GPI: variants seen among roughly 807,000 people sequenced by gnomAD.
GPI encodes the protein glucose-6-phosphate isomerase.
In GPI, 56 loss-of-function variants were observed where a neutral mutation model predicts 75.8. That is an observed-to-expected ratio of 0.74 (90% confidence interval 0.60 to 0.92). The LOEUF (loss-of-function observed/expected upper bound fraction) is 0.92. Ranked by LOEUF, GPI falls within the 40% of genes least tolerant of loss-of-function variation. GPI has a pLI of 0.00. For missense variants in GPI, 638 were observed against 741.0 expected, an observed-to-expected ratio of 0.86 and a Z score of 1.61; for synonymous variants, 288 against 285.4, an observed-to-expected ratio of 1.01 and a Z score of -0.09.
intron 4 of GPI, 63 bp from the exon 5 acceptor site, chr19:34,377,440 T>C (rs996863142): frequency 1.7e-5 from 20 of 1,185,228 alleles, no homozygotes; most frequent in Non-Finnish European, 2.5e-5. Context: ...GCAGTAATGA[T>C]GTTTTTGAGC....
Position 34,377,453 on chromosome 19 carries a change from C to T in GPI, c.403-50C>T, listed in dbSNP as rs201171739. On this transcript the variant is annotated intron_variant, in intron 4 of 17. Coordinates refer to ENST00000356487, the MANE Select transcript of GPI (RefSeq NM_000175.5). ...CGGCAGTAATGATGTTTTTGAGCAG[C>T]GGATTATGCCTGGGGGTTTGGGCTG... The T allele has an allele frequency of 1.3e-4, 179 of 1,341,242 alleles. No homozygotes were observed. In the African/African-American group the frequency reaches 1.4e-3, roughly 10 times the overall value. 83.1% of individuals were successfully genotyped at this position (1,341,242 alleles called of 1,614,324 possible).
chr19:34,377,995 C>G, intron 6 of GPI, 114 bp downstream of exon 6: 1 of 1,096,944 alleles, frequency 9.1e-7, no homozygotes, highest in Non-Finnish European at 1.4e-6. Flanking sequence ...TCCGAGTGAA[C>G]CATGGTTTGT....
At chr19:34,386,968 T>C (rs1211418550) in intron 9 of GPI, among the ~76,000 whole-genome samples, 2 of 152,160 alleles carry the variant, frequency 1.3e-5, no homozygotes, top group Non-Finnish European at 2.9e-5. Flanking sequence ...TAAGCAGAGA[T>C]TGGCAGCATT....
chr19:34,384,061 G>A (rs1404858783), intron 9 of GPI, among the ~76,000 whole-genome samples: 1 of 152,172 alleles, frequency 6.6e-6, no homozygotes, highest in Non-Finnish European at 1.5e-5. Context: ...GGCAGAACTG[G>A]ACCAGTCTGG....
At chr19:34,370,218 A>G (rs2074430501) in intron 4 of GPI, among the ~76,000 whole-genome samples, 1 of 152,166 alleles carries the variant, frequency 6.6e-6, no homozygotes, top group South Asian at 2.1e-4. Flanking sequence ...TGTCTACCCT[A>G]GCGGTGATTC....
At chr19:34,365,037 G>A (rs975370586), upstream of GPI, 1 of 1,517,722 alleles carries the variant, frequency 6.6e-7, no homozygotes, top group African/African-American at 1.4e-5. Context: ...GAGAGGAGCT[G>A]AGGCCCCAGA....
At chr19:34,364,384 CT>C (rs555720207), upstream of GPI, among the ~76,000 whole-genome samples, 742 of 139,254 alleles carry the variant, frequency 5.3e-3, no homozygotes, top group African/African-American at 0.012. Flanking sequence ...CTGACCTCAT[CT>C]TTTTTTTTTT....
chr19:34,367,354 C>T (rs1057472402), intron 3 of GPI, among the ~76,000 whole-genome samples: 15 of 152,108 alleles, frequency 9.9e-5, no homozygotes, highest in Non-Finnish European at 2.1e-4. Context: ...TTATCCTCCT[C>T]TTACATGTGA....
intron 9 of GPI, among the ~76,000 whole-genome samples, chr19:34,387,432 A>G (rs572334954): frequency 5.7e-5 from 8 of 139,336 alleles, no homozygotes; most frequent in Admixed American, 1.5e-4. Flanking sequence ...TCCAGGCTCA[A>G]TGGTGGTATG....
chr19:34,375,777 C>G (rs1330538308), intron 4 of GPI, among the ~76,000 whole-genome samples: 1 of 152,248 alleles, frequency 6.6e-6, no homozygotes, highest in Non-Finnish European at 1.5e-5. Context: ...ACTGCACGTT[C>G]TCTGAACTCA....
chr19:34,377,336 A>AATATATATATATATATATATATAT (rs1243864461), intron 4 of GPI, among the ~76,000 whole-genome samples, 167 bp from the exon 5 acceptor site: 3 of 49,338 alleles, frequency 6.1e-5, no homozygotes, highest in African/African-American at 3.5e-4. Flanking sequence ...AAAAAAAAAA[A>AATATATATATATATATATATATAT]ATATATATAT....
chr19:34,399,396 C>T (rs1308943395), intron 15 of GPI, 61 bp downstream of exon 15: 1 of 1,609,740 alleles, frequency 6.2e-7, no homozygotes, highest in Non-Finnish European at 8.5e-7. Flanking sequence ...GAAGCTATGG[C>T]ACCAGGCAGG....
chr19:34,377,570 T>C lies in GPI; in HGVS notation c.470T>C (p.Ile157Thr), dbSNP rs1318491793. 6.2e-7 allele frequency: 1 copy of C among 1,612,778 alleles called. No homozygotes were observed. The highest frequency in any genetic ancestry group is 1.3e-5 in the African/African-American group (1 of 74,614). The part of the protein sequence containing the change: ...KTITDVINIG[I>T]GGSDLGPLMV... ...ATCACGGACGTCATCAACATTGGCA[T>C]TGGCGGCTCCGACCTGGTGAGGAGA... is the stretch of plus-strand genomic sequence containing the variant. The change falls in exon 5 of 18, where the codon ATT (isoleucine) becomes ACT (threonine). Residue 157 changes from isoleucine to threonine, a missense_variant. Ile to Thr is a moderately conservative substitution (Grantham distance 89). Transcript: ENST00000356487.
At chr19:34,390,963 T>C (rs1036870288) in intron 9 of GPI, among the ~76,000 whole-genome samples, 1 of 145,632 alleles carries the variant, frequency 6.9e-6, no homozygotes, top group Non-Finnish European at 1.5e-5. Flanking sequence ...GGCACAGGTA[T>C]GAGGATCTGG....
At chr19:34,376,135 ACTCCTATGCCTTGTGTAGTGG>A in intron 4 of GPI, among the ~76,000 whole-genome samples, 1 of 152,056 alleles carries the variant, frequency 6.6e-6, no homozygotes, top group African/African-American at 2.4e-5. Flanking sequence ...GTCTCCAGAG[ACTCCTATGCCTTGTGTAGTGG>A]CTCACGCCTG....
rs773866107 is a variant in GPI at position 34,399,306 on chromosome 19, G to A, written c.1369G>A (p.Glu457Lys). The change falls in exon 15 of 18, where the codon GAG becomes AAG. Residue 457 changes from glutamate to lysine, a missense_variant. Coordinates refer to ENST00000356487, the MANE Select transcript of GPI (RefSeq NM_000175.5). ...KELQAAGKSP[E>K]DLERLLPHKV... ...GCTCCAGGCTGCGGGCAAGAGTCCAGAGGACCTTGAGAGGCTGCTGCCACA... is the reference window on the plus strand; with the variant it reads ...GCTCCAGGCTGCGGGCAAGAGTCCAAAGGACCTTGAGAGGCTGCTGCCACA... 1.2e-6 allele frequency: 2 copies of A among 1,614,138 alleles called. No homozygotes were observed. Among genetic ancestry groups the A allele is most frequent in the Non-Finnish European group, 8.5e-7 (1 of 1,180,026 alleles).
Position 34,366,839 on chromosome 19 carries a change from C to G in GPI, c.270C>G (p.Ile90Met). 1 of 1,612,646 alleles carries G rather than the reference C, an allele frequency of 6.2e-7. No homozygotes were observed. Among genetic ancestry groups the G allele is most frequent in the East Asian group, 2.2e-5 (1 of 44,866 alleles). The change falls in exon 3 of 18, where the codon ATC (isoleucine) becomes ATG (methionine). Residue 90 changes from isoleucine to methionine, a missense_variant. Ile to Met is a conservative substitution (Grantham distance 10). Transcript: ENST00000356487. Reference sequence around the variant, plus strand: ...AGCGGATGTTCAATGGTGAGAAGATCAACTACACCGAGGTGAGCAGGCCCC... The same window carrying G: ...AGCGGATGTTCAATGGTGAGAAGATGAACTACACCGAGGTGAGCAGGCCCC... The part of the protein sequence containing the change: ...ARERMFNGEK[I>M]NYTEGRAVLH...
intron 9 of GPI, chr19:34,392,209 T>TAGGAGGTGGGATCTGGCCCTGG (rs1274033277): frequency 2.5e-3 from 29 of 11,816 alleles, no homozygotes; most frequent in South Asian, 4.2e-3. Context: ...TCTGGCCCCC[T>TAGGAGGTGGGATCTGGCCCTGG]TATGAGGATC....
chr19:34,362,983 T>G (rs445993), upstream of GPI, among the ~76,000 whole-genome samples: 223 of 152,234 alleles, frequency 1.5e-3, no homozygotes, highest in African/African-American at 5.0e-3. Context: ...AATAACCTAC[T>G]AGAAAAAGGC....
Sources: allele counts gnomAD v4.1 joint callset (sites outside exome capture counted in the v4.1 genomes callset), GRCh38; gene constraint gnomAD v4.1.1; transcripts MANE v1.5; gene names NCBI Gene and HGNC (gene_info 2026-07-23, HGNC 2026-07-21).